CBLB: variants seen among roughly 807,000 people sequenced by gnomAD.
The protein encoded by CBLB is Cbl proto-oncogene B.
In CBLB, 31 loss-of-function variants were observed where a neutral mutation model predicts 104.9. The ratio of observed to expected loss-of-function variants is 0.30; its 90% CI spans 0.22 to 0.40. CBLB has a LOEUF of 0.40. CBLB is among the 10% of genes least tolerant of loss of function. The probability of loss-of-function intolerance (pLI) is 1.00; values close to 1 mark genes in which losing one functional copy is unlikely to be tolerated. For synonymous variants in CBLB, 440 were observed against 422.6 expected (o/e 1.04, Z -0.51); for missense variants, 1,062 against 1,214.6 (o/e 0.87, Z 1.87).
At chr3:105,859,136 T>C (rs2091881354) in intron 2 of CBLB, among the ~76,000 whole-genome samples, 1 of 152,146 alleles carries the variant, frequency 6.6e-6, no homozygotes, top group Admixed American at 6.5e-5. Flanking sequence ...GTAATAAAAA[T>C]GTATTAGATC....
rs2152648912 is a variant in CBLB at position 105,655,587 on chromosome 3, C to T, written c.*3383G>A. The T allele has an allele frequency of 5.4e-6, 1 of 183,490 alleles. No homozygotes were observed. Among genetic ancestry groups the T allele is most frequent in the African/African-American group, 2.3e-5 (1 of 42,670 alleles). The allele number at this position is 183,490 out of a possible 1,614,324, so 11.4% of individuals were successfully genotyped here. A position where few individuals can be genotyped will look rare whatever the true frequency, so the allele number is the denominator to read the frequency against. ...AATTGAACATATGACTATTTTGCCA[C>T]ATCACACAAGTTTTAAAAAGGCATT... is the stretch of plus-strand genomic sequence containing the variant. On this transcript the variant is annotated 3_prime_UTR_variant, in exon 19 of 19. Coordinates refer to ENST00000394030, the MANE Select transcript of CBLB (RefSeq NM_170662.5).
chr3:105,841,464 A>T (rs1373861890), intron 3 of CBLB, among the ~76,000 whole-genome samples: 1 of 151,466 alleles, frequency 6.6e-6, no homozygotes, highest in Non-Finnish European at 1.5e-5. Context: ...ATATATATAT[A>T]TTTTTTGAGA....
chr3:105,758,872 G>C (rs1424072016), intron 4 of CBLB, among the ~76,000 whole-genome samples: 1 of 152,254 alleles, frequency 6.6e-6, no homozygotes, highest in Non-Finnish European at 1.5e-5. Context: ...TCACAGCCTA[G>C]CTCAGGGAGC....
chr3:105,678,550 A>T lies in CBLB; in HGVS notation c.2450T>A (p.Leu817His), dbSNP rs2152719408. The T allele has an allele frequency of 6.2e-7, 1 of 1,613,584 alleles. No homozygotes were observed. Among genetic ancestry groups the T allele is most frequent in the East Asian group, 2.2e-5 (1 of 44,816 alleles). Reference sequence around the variant, plus strand: ...TGGGGGAGGTGGGAGAGATGGAGGGAGGGCATCAAAAGCATCTTCACCTGC... The same window carrying T: ...TGGGGGAGGTGGGAGAGATGGAGGGTGGGCATCAAAAGCATCTTCACCTGC... Reference protein sequence around the residue: ...PPLGEDAFDALPPSLPPPPPP... With the variant: ...PPLGEDAFDAHPPSLPPPPPP... Residue 817 changes from leucine to histidine, a missense_variant, in exon 17 of 19, where the codon CTC becomes CAC. Leu to His is a moderately conservative substitution (Grantham distance 99). Coordinates refer to ENST00000394030, the MANE Select transcript of CBLB (RefSeq NM_170662.5).
rs2091224396 is a variant in CBLB, at chr3:105,853,551, G to A, written c.282C>T (p.Asp94=). Residue 94 remains aspartate, a synonymous_variant, in exon 3 of 19, where the codon GAC becomes GAT. Transcript: ENST00000394030. Reference sequence around the variant, plus strand: ...CACTGAGTTGGGCAAGTTTCTGGTTGTCATCATATTTACTCAATATAAGTC... The same window carrying A: ...CACTGAGTTGGGCAAGTTTCTGGTTATCATCATATTTACTCAATATAAGTC... ...HLRLILSKYD[D]NQKLAQLSEN... is the part of the protein sequence containing the mutation. 6.2e-7 allele frequency: 1 copy of A among 1,613,390 alleles called. No homozygotes were observed.
At chr3:105,752,845 T>C (rs12054270) in intron 4 of CBLB, among the ~76,000 whole-genome samples, 10,563 of 152,284 alleles carry the variant, frequency 0.069, 522 homozygotes, top group Admixed American at 0.16. Flanking sequence ...GGGTGGGGCC[T>C]GAACACTGAC....
chr3:105,796,216 A>T (rs2082244158), intron 3 of CBLB, among the ~76,000 whole-genome samples: 1 of 152,242 alleles, frequency 6.6e-6, no homozygotes, highest in African/African-American at 2.4e-5. Flanking sequence ...ATAGTAACCA[A>T]AACAGCATGG....
intron 3 of CBLB, among the ~76,000 whole-genome samples, chr3:105,792,746 T>G (rs1417634126): frequency 6.6e-6 from 1 of 152,156 alleles, no homozygotes; most frequent in Non-Finnish European, 1.5e-5. Flanking sequence ...TCAGTCTAAG[T>G]GTGACTCACC....
At chr3:105,724,450 G>T (rs1274703676) in intron 9 of CBLB, among the ~76,000 whole-genome samples, 1 of 152,010 alleles carries the variant, frequency 6.6e-6, no homozygotes, top group East Asian at 1.9e-4. Flanking sequence ...GTGACACTGG[G>T]CAATTCATTG....
At chr3:105,812,010 CTTTTT>C (rs369494317) in intron 3 of CBLB, among the ~76,000 whole-genome samples, 14 of 151,340 alleles carry the variant, frequency 9.3e-5, no homozygotes, top group African/African-American at 3.1e-4. Context: ...GCCCCATTTC[CTTTTT>C]TTTTGTTTTG....
At chr3:105,778,971 A>T (rs2079815171) in intron 3 of CBLB, among the ~76,000 whole-genome samples, 2 of 152,240 alleles carry the variant, frequency 1.3e-5, no homozygotes, top group South Asian at 4.1e-4. Flanking sequence ...AAGTCACCTT[A>T]GGAAATCTGC....
intron 18 of CBLB, among the ~76,000 whole-genome samples, chr3:105,668,537 C>T (rs1295453142): frequency 6.6e-6 from 1 of 152,076 alleles, no homozygotes; most frequent in Non-Finnish European, 1.5e-5. Context: ...AAATTGCTTC[C>T]TTATATTATA....
chr3:105,821,260 A>ATATCTATCTATC (rs10660729), intron 3 of CBLB, among the ~76,000 whole-genome samples: 11,092 of 149,456 alleles, frequency 0.074, 500 homozygotes, highest in Admixed American at 0.11. Flanking sequence ...ATCTATATCT[A>ATATCTATCTATC]TATCTATCTA....
chr3:105,832,703 T>C (rs1030437418), intron 3 of CBLB, among the ~76,000 whole-genome samples: 2 of 152,206 alleles, frequency 1.3e-5, no homozygotes, highest in African/African-American at 2.4e-5. Flanking sequence ...GGTCTAACAA[T>C]GCCTGCCAAG....
chr3:105,753,879 T>C (rs960958552), intron 4 of CBLB, among the ~76,000 whole-genome samples: 5 of 152,184 alleles, frequency 3.3e-5, no homozygotes, highest in Non-Finnish European at 5.9e-5. Context: ...TTTAGTCTAA[T>C]GTACCCCTTC....
chr3:105,689,013 T>C (rs1039378860), intron 13 of CBLB, among the ~76,000 whole-genome samples: 5 of 152,078 alleles, frequency 3.3e-5, no homozygotes, highest in Non-Finnish European at 1.5e-5. Flanking sequence ...TGTTCAAATA[T>C]TAGCCTTTCA....
chr3:105,861,445 A>C (rs967157492), intron 2 of CBLB, among the ~76,000 whole-genome samples: 1 of 152,026 alleles, frequency 6.6e-6, no homozygotes, highest in African/African-American at 2.4e-5. Context: ...AATTCCCTCA[A>C]AACTTCTCTG....
At position 105,859,005 on chromosome 3, in the gene CBLB, A is replaced by G. The variant is rs568664387; in HGVS notation, c.169-5341T>C. Among the ~76,000 whole-genome samples, 34 of 152,352 alleles carry G rather than the reference A, an allele frequency of 2.2e-4. No homozygotes were observed. In the South Asian group the frequency reaches 3.3e-3, roughly 15 times the overall value. Reference sequence around the variant, plus strand: ...TTCAACCATATCAAAGCAAAAGCACAAATACAAAAACAGGATTTACTAATG... The same window carrying G: ...TTCAACCATATCAAAGCAAAAGCACGAATACAAAAACAGGATTTACTAATG... On this transcript the variant is annotated intron_variant, in intron 2 of 18. Coordinates refer to ENST00000394030, the MANE Select transcript of CBLB (RefSeq NM_170662.5).
intron 18 of CBLB, among the ~76,000 whole-genome samples, chr3:105,669,022 G>A (rs1357854305): frequency 6.6e-6 from 1 of 151,912 alleles, no homozygotes; most frequent in Non-Finnish European, 1.5e-5. Context: ...GTTTAATACA[G>A]ACATCAGCTA....
Sources: gnomAD v4.1 joint callset for allele counts (sites outside exome capture counted in the v4.1 genomes callset) on GRCh38, gnomAD v4.1.1 for gene constraint, MANE v1.5 for transcripts, NCBI Gene and HGNC (gene_info 2026-07-23, HGNC 2026-07-21) for gene names.